MYBL2: variants seen among roughly 807,000 people sequenced by gnomAD.
The protein encoded by MYBL2 is MYB proto-oncogene like 2, also known as myb-related protein B.
A neutral mutation model predicts 79.9 loss-of-function variants in MYBL2; 28 were observed. The observed-to-expected ratio is 0.35, with a 90% CI of 0.26 to 0.48. The LOEUF (loss-of-function observed/expected upper bound fraction) is 0.48. Among genes scored for constraint, MYBL2 ranks in the 20% least tolerant of loss-of-function variants. The pLI is 0.99. For synonymous variants in MYBL2, 378 were observed against 361.2 expected, an observed-to-expected ratio of 1.05 and a Z score of -0.53; for missense variants, 735 against 893.9, an observed-to-expected ratio of 0.82 and a Z score of 2.27.
intron 6 of MYBL2, among the ~76,000 whole-genome samples, chr20:43,693,744 G>C (rs1316501624): frequency 6.6e-6 from 1 of 152,138 alleles, no homozygotes; most frequent in Non-Finnish European, 1.5e-5. Context: ...TATCTCTAAA[G>C]GTTATTTTTC....
chr20:43,712,850 C>T (rs1270665890), intron 11 of MYBL2, 152 bp from the exon 12 acceptor site: 1 of 641,356 alleles, frequency 1.6e-6, no homozygotes, highest in South Asian at 1.9e-5. Context: ...CCCCATTCTT[C>T]TGACAGCAGA....
chr20:43,674,537 G>A (rs1480018152), intron 2 of MYBL2, among the ~76,000 whole-genome samples: 2 of 151,842 alleles, frequency 1.3e-5, no homozygotes, highest in Admixed American at 6.6e-5. Flanking sequence ...GCAGGCATGC[G>A]CCACCATGCC....
rs1986930806 is a variant in MYBL2 at position 43,673,872 on chromosome 20, G to A, written c.87G>A (p.Lys29=). Residue 29 remains lysine (K), a synonymous_variant, in exon 2 of 14, where the codon AAG becomes AAA. Coordinates refer to ENST00000217026, the MANE Select transcript of MYBL2 (RefSeq NM_002466.4). ...DSDVPEQRDS[K]CKVKWTHEED... Reference sequence around the variant, plus strand: ...ATGTGCCGGAGCAGAGGGATAGCAAGTGCAAGGTCAAATGGACCCATGAGG... The same window carrying A: ...ATGTGCCGGAGCAGAGGGATAGCAAATGCAAGGTCAAATGGACCCATGAGG... 1 of 1,554,034 alleles carries A rather than the reference G, an allele frequency of 6.4e-7. No individual in the cohort carries two copies. The highest frequency in any genetic ancestry group is 8.7e-7 in the Non-Finnish European group (1 of 1,148,066).
chr20:43,693,044 T>G (rs1265999493), intron 6 of MYBL2, among the ~76,000 whole-genome samples: 1 of 152,142 alleles, frequency 6.6e-6, no homozygotes, highest in African/African-American at 2.4e-5. Flanking sequence ...TGCAGGCTGT[T>G]TTTTTTGAGA....
chr20:43,715,242 G>A lies in MYBL2; in HGVS notation c.1933G>A (p.Val645Met). The change falls in exon 13 of 14, where the codon GTG (valine) becomes ATG (methionine). Residue 645 changes from valine (V) to methionine (M), a missense_variant. Around this residue, in one of 5 missense-constraint regions of MYBL2, gnomAD observed 204 missense variants for 202.9 expected, o/e 1.01. Transcript: ENST00000217026. ...GCAGGCCAAGCCCGAGAAGGCAGCA[G>A]TGGCCCAGAAGCCCCGAAGCCACTT... is the stretch of plus-strand genomic sequence containing the variant. ...FLQAKPEKAAVAQKPRSHFTT... is the reference protein window; with the variant it reads ...FLQAKPEKAAMAQKPRSHFTT... The A allele has an allele frequency of 1.2e-6, 2 of 1,614,256 alleles. No individual in the cohort carries two copies. Among genetic ancestry groups the A allele is most frequent in the African/African-American group, 1.3e-5 (1 of 75,072 alleles).
chr20:43,669,360 C>G (rs1047637370), intron 1 of MYBL2, among the ~76,000 whole-genome samples: 6 of 152,176 alleles, frequency 3.9e-5, no homozygotes, highest in African/African-American at 1.4e-4. Flanking sequence ...TCTAGACCAC[C>G]CCAGGTCCTG....
intron 10 of MYBL2, among the ~76,000 whole-genome samples, chr20:43,710,509 C>T (rs1987881237): frequency 6.6e-6 from 1 of 152,194 alleles, no homozygotes; most frequent in Non-Finnish European, 1.5e-5. Context: ...GGCTGCCCTT[C>T]TCCCCTGCTC....
chr20:43,687,889 C>G (rs1176443198), intron 5 of MYBL2, among the ~76,000 whole-genome samples: 1 of 151,624 alleles, frequency 6.6e-6, no homozygotes, highest in Non-Finnish European at 1.5e-5. Context: ...TGTTGGTGAG[C>G]CTGTAATCCC....
intron 5 of MYBL2, among the ~76,000 whole-genome samples, chr20:43,688,011 A>G (rs1253601444): frequency 2.0e-4 from 2 of 10,254 alleles, no homozygotes; most frequent in African/African-American, 3.2e-4. Context: ...GACTGTCTCC[A>G]AAAAAAAAAA....
At chr20:43,673,403 G>T (rs577541897) in intron 1 of MYBL2, among the ~76,000 whole-genome samples, 7 of 151,960 alleles carry the variant, frequency 4.6e-5, no homozygotes, top group Non-Finnish European at 7.4e-5. Context: ...TTGGGAGGCC[G>T]TGGTGGGAGG....
At chr20:43,667,334 C>T in intron 1 of MYBL2, 31 bp downstream of exon 1, 1 of 1,223,120 alleles carries the variant, frequency 8.2e-7, no homozygotes, top group Non-Finnish European at 1.0e-6. Flanking sequence ...TTGGGCCCCT[C>T]CCCCTCCCTT....
At chr20:43,695,790 ACT>A (rs1987526748) in intron 6 of MYBL2, among the ~76,000 whole-genome samples, 1 of 152,034 alleles carries the variant, frequency 6.6e-6, no homozygotes, top group Admixed American at 6.6e-5. Context: ...ACAGAGTGAG[ACT>A]CTGTCTTTGA....
intron 6 of MYBL2, among the ~76,000 whole-genome samples, chr20:43,693,222 G>A (rs1987454591): frequency 6.6e-6 from 1 of 152,116 alleles, no homozygotes; most frequent in Admixed American, 6.6e-5. Context: ...AGTAGAGATG[G>A]GGTTTCACCA....
At chr20:43,696,237 T>A (rs1383204239) in intron 6 of MYBL2, among the ~76,000 whole-genome samples, 1 of 151,760 alleles carries the variant, frequency 6.6e-6, no homozygotes, top group Non-Finnish European at 1.5e-5. Context: ...AGCCTGCTCA[T>A]CTCAACTTTT....
At position 43,667,156 on chromosome 20, in the gene MYBL2, C is replaced by A. The variant is rs1471897720; in HGVS notation, c.-128C>A. 4 of 465,436 alleles carry A rather than the reference C, an allele frequency of 8.6e-6. No individual in the cohort carries two copies. Among genetic ancestry groups the A allele is most frequent in the Non-Finnish European group, 1.3e-5 (4 of 318,732 alleles). 28.8% of individuals were successfully genotyped at this position (465,436 alleles called of 1,614,324 possible). A position where few individuals can be genotyped will look rare whatever the true frequency, so the allele number is the denominator to read the frequency against. On this transcript the variant is annotated 5_prime_UTR_variant, in exon 1 of 14. Transcript: ENST00000217026. ...GCGAGGAGCGCGGGACCTGCTGACA[C>A]GCTGACGCCTTCGAGCGCGGCCCGG...
At chr20:43,681,951 T>A in intron 3 of MYBL2, 96 bp downstream of exon 3, 3 of 1,286,502 alleles carry the variant, frequency 2.3e-6, no homozygotes, top group Non-Finnish European at 3.3e-6. Flanking sequence ...AAAAGGGAGT[T>A]CCTTACTCAG....
In MYBL2 at chr20:43,715,073, T is replaced by C. The variant is rs779031049; in HGVS notation, c.1825-61T>C. On this transcript the variant is annotated intron_variant, in intron 12 of 13. Coordinates refer to ENST00000217026, the MANE Select transcript of MYBL2 (RefSeq NM_002466.4). ...GGTGCTGGGGTGGGATTGCGGGTTT[T>C]TTTCTTCCCTCTCACAGCTTCTCGC... The C allele has an allele frequency of 4.3e-4, 686 of 1,598,762 alleles. 2 individuals are homozygous for C. The highest frequency in any genetic ancestry group is 6.6e-5 in the Non-Finnish European group (77 of 1,168,654).
intron 6 of MYBL2, among the ~76,000 whole-genome samples, chr20:43,699,036 A>T (rs554270760): frequency 8.6e-5 from 13 of 151,962 alleles, no homozygotes; most frequent in African/African-American, 2.4e-4. Flanking sequence ...AGCATTAAAA[A>T]TTTATTTTTT....
intron 1 of MYBL2, among the ~76,000 whole-genome samples, chr20:43,669,513 C>T (rs184169546): frequency 6.6e-5 from 10 of 152,336 alleles, no homozygotes; most frequent in Admixed American, 5.9e-4. Context: ...GTCTCTGACT[C>T]ACCCCTGTCC....
Sources: allele counts gnomAD v4.1 joint callset (sites outside exome capture counted in the v4.1 genomes callset), GRCh38; gene constraint gnomAD v4.1.1; regional missense constraint gnomAD v4.1.1; transcripts MANE v1.5; gene names NCBI Gene and HGNC (gene_info 2026-07-23, HGNC 2026-07-21).